The following XKR4 variants were observed in gnomAD, a reference collection of about 807,000 sequenced individuals.
XKR4 encodes XK related 4.
A neutral mutation model predicts 53.9 loss-of-function variants in XKR4; 12 were observed. That is an observed-to-expected ratio of 0.22 (90% CI 0.14 to 0.36). The LOEUF is 0.36. Ranked by LOEUF, XKR4 falls within the 10% of genes least tolerant of loss-of-function variation. XKR4 has a pLI of 1.00. For missense variants in XKR4, 799 were observed against 859.5 expected (o/e 0.93, Z 0.88); for synonymous variants, 354 against 362.4 (o/e 0.98, Z 0.26).
At chr8:55,169,319 G>A (rs2199921) in intron 1 of XKR4, among the ~76,000 whole-genome samples, 27,703 of 152,220 alleles carry the variant, frequency 0.18, 3,096 homozygotes, top group Middle Eastern at 0.34. Context: ...GCCACTGAAC[G>A]CTGCAGGGAG....
intron 1 of XKR4, among the ~76,000 whole-genome samples, chr8:55,291,406 C>G (rs1006283645): frequency 6.6e-6 from 1 of 152,156 alleles, no homozygotes; most frequent in South Asian, 2.1e-4. Context: ...AACAATCTTG[C>G]TGGAACTTTT....
chr8:55,121,286 C>G (rs1427536394), intron 1 of XKR4, among the ~76,000 whole-genome samples: 1 of 152,192 alleles, frequency 6.6e-6, no homozygotes, highest in Non-Finnish European at 1.5e-5. Flanking sequence ...TTGTAAGCAA[C>G]TACCAAACTG....
chr8:55,438,153 A>C (rs1805205732), intron 2 of XKR4, among the ~76,000 whole-genome samples: 1 of 152,150 alleles, frequency 6.6e-6, no homozygotes, highest in Admixed American at 6.5e-5. Context: ...CCAGACAAAA[A>C]AAAAAGTTAA....
chr8:55,366,629 G>A (rs1803992836), intron 2 of XKR4, among the ~76,000 whole-genome samples: 1 of 152,160 alleles, frequency 6.6e-6, no homozygotes, highest in Non-Finnish European at 1.5e-5. Context: ...TCTGACTCCA[G>A]TATTCTTAAC....
At chr8:55,470,217 A>C (rs1585592157) in intron 2 of XKR4, among the ~76,000 whole-genome samples, 1 of 152,246 alleles carries the variant, frequency 6.6e-6, no homozygotes, top group East Asian at 1.9e-4. Flanking sequence ...ATTGGGGGGA[A>C]ATGCAAACAA....
At chr8:55,374,678 C>T (rs948753593) in intron 2 of XKR4, among the ~76,000 whole-genome samples, 4 of 152,080 alleles carry the variant, frequency 2.6e-5, no homozygotes, top group South Asian at 2.1e-4. Flanking sequence ...AAGAAATGCC[C>T]TTGAGGGACC....
chr8:55,119,602 T>C (rs1816363185), intron 1 of XKR4, among the ~76,000 whole-genome samples: 1 of 152,062 alleles, frequency 6.6e-6, no homozygotes, highest in African/African-American at 2.4e-5. Context: ...CAGCAATGAG[T>C]GTCAGGGGAG....
At chr8:55,187,352 G>T (rs1817393545) in intron 1 of XKR4, among the ~76,000 whole-genome samples, 1 of 149,240 alleles carries the variant, frequency 6.7e-6, no homozygotes, top group Non-Finnish European at 1.5e-5. Context: ...TATTGATAGT[G>T]ACACAATTAA....
chr8:55,474,072 TTTTA>T (rs969439062), intron 2 of XKR4, among the ~76,000 whole-genome samples: 59 of 152,140 alleles, frequency 3.9e-4, no homozygotes, highest in African/African-American at 1.3e-3. Context: ...ACCCAACTGA[TTTTA>T]TTTAATTTTA....
At chr8:55,453,342 C>T (rs1563354530) in intron 2 of XKR4, 3 of 474,774 alleles carry the variant, frequency 6.3e-6, no homozygotes, top group South Asian at 1.6e-5. Context: ...TCCAGGACCA[C>T]CCAGTTCTGT....
At chr8:55,404,925 C>T (rs1264260539) in intron 2 of XKR4, among the ~76,000 whole-genome samples, 7 of 152,164 alleles carry the variant, frequency 4.6e-5, no homozygotes, top group African/African-American at 7.2e-5. Flanking sequence ...GCGACAAGCA[C>T]GGATTACGTC....
intron 2 of XKR4, among the ~76,000 whole-genome samples, chr8:55,504,594 C>A (rs991609698): frequency 6.6e-6 from 1 of 152,090 alleles, no homozygotes; most frequent in Non-Finnish European, 1.5e-5. Flanking sequence ...TTGTTCCCTT[C>A]TTTTCAGTAT....
intron 1 of XKR4, among the ~76,000 whole-genome samples, chr8:55,168,564 C>T (rs1233893236): frequency 6.6e-6 from 1 of 152,196 alleles, no homozygotes; most frequent in Admixed American, 6.5e-5. Flanking sequence ...TTTTGATCCT[C>T]ACCTTGGAAA....
intron 1 of XKR4, among the ~76,000 whole-genome samples, chr8:55,268,227 T>A (rs1818638731): frequency 6.6e-6 from 1 of 152,202 alleles, no homozygotes; most frequent in Non-Finnish European, 1.5e-5. Context: ...TCTCTATGAA[T>A]TAGAGTCATT....
chr8:55,475,651 T>C lies in XKR4; in HGVS notation c.1007-47630T>C, dbSNP rs189074104. Among the ~76,000 whole-genome samples the C allele has an allele frequency of 4.7e-3, 719 of 151,966 alleles. 8 individuals carry two copies. The highest frequency in any genetic ancestry group is 0.017 in the African/African-American group (694 of 41,350). ...TGGAGTCTCACTCTGTTATCTAGGC[T>C]GGAGTGCAGTGGCATGATCTTGGCT... On this transcript the variant is annotated intron_variant, in intron 2 of 2. Transcript: ENST00000327381.
In XKR4 at chr8:55,541,984, G is replaced by T. The variant is rs1447326256; in HGVS notation, c.*17757G>T. The T allele has an allele frequency of 6.6e-6, 1 of 151,144 alleles. No individual in the cohort carries two copies. Among genetic ancestry groups the T allele is most frequent in the African/African-American group, 2.4e-5 (1 of 41,102 alleles). The allele number at this position is 151,144 out of a possible 1,614,324, so 9.4% of individuals were successfully genotyped here. ...GAAGTGGAAAGTAGTACTTCATAAT[G>T]AACAAATTTCCTTGGTTACATGGTT... On this transcript the variant is annotated 3_prime_UTR_variant, in exon 3 of 3. Coordinates refer to ENST00000327381, the MANE Select transcript of XKR4 (RefSeq NM_052898.2).
chr8:55,338,145 C>T (rs1270505043), intron 1 of XKR4, among the ~76,000 whole-genome samples: 1 of 152,208 alleles, frequency 6.6e-6, no homozygotes, highest in Non-Finnish European at 1.5e-5. Context: ...GAAATCTTCT[C>T]TTTAAAAAAG....
intron 1 of XKR4, among the ~76,000 whole-genome samples, chr8:55,109,921 T>A (rs1162364686): frequency 6.6e-6 from 1 of 152,176 alleles, no homozygotes; most frequent in Non-Finnish European, 1.5e-5. Flanking sequence ...ATGTTACAGT[T>A]TGAATGATAT....
At chr8:55,258,735 C>T (rs767404616) in intron 1 of XKR4, among the ~76,000 whole-genome samples, 1 of 152,052 alleles carries the variant, frequency 6.6e-6, no homozygotes, top group Admixed American at 6.6e-5. Flanking sequence ...TATTGTTATT[C>T]TTATTTAAGG....
Sources: gnomAD v4.1 joint callset for allele counts (sites outside exome capture counted in the v4.1 genomes callset) on GRCh38, gnomAD v4.1.1 for gene constraint, MANE v1.5 for transcripts, NCBI Gene and HGNC (gene_info 2026-07-23, HGNC 2026-07-21) for gene names.